ADGRL3: variants seen among roughly 807,000 people sequenced by gnomAD.
ADGRL3 encodes calcium-independent alpha-latrotoxin receptor 3.
Under a neutral mutation model 153.5 loss-of-function variants are expected in ADGRL3, and 62 were observed. The observed-to-expected ratio is 0.40, with a 90% CI of 0.33 to 0.50. The LOEUF is 0.50. Among genes scored for constraint, ADGRL3 ranks in the 20% least tolerant of loss-of-function variants. The pLI is 0.47. For synonymous variants in ADGRL3, 710 were observed against 672.5 expected, an observed-to-expected ratio of 1.06 and a Z score of -0.86; for missense variants, 1,641 against 1,859.4, an observed-to-expected ratio of 0.88 and a Z score of 2.16.
intron 6 of ADGRL3, among the ~76,000 whole-genome samples, chr4:61,684,332 G>A (rs2095403510): frequency 6.6e-6 from 1 of 152,082 alleles, no homozygotes; most frequent in South Asian, 2.1e-4. Context: ...AGAAACAAAG[G>A]AGAAAAAAGG....
intron 5 of ADGRL3, among the ~76,000 whole-genome samples, chr4:61,641,237 C>T (rs985568920): frequency 1.3e-5 from 2 of 151,172 alleles, no homozygotes; most frequent in African/African-American, 2.4e-5. Context: ...TGGCACAGTG[C>T]TTGTTATGTA....
chr4:61,636,471 A>G (rs1249730232), intron 5 of ADGRL3, among the ~76,000 whole-genome samples: 1 of 152,202 alleles, frequency 6.6e-6, no homozygotes, highest in African/African-American at 2.4e-5. Flanking sequence ...AAGTTCTGAA[A>G]GAAAAAACTG....
At chr4:61,378,822 C>A (rs528919944) in intron 1 of ADGRL3, among the ~76,000 whole-genome samples, 1 of 151,832 alleles carries the variant, frequency 6.6e-6, no homozygotes, top group Non-Finnish European at 1.5e-5. Flanking sequence ...GAACCATTTG[C>A]GAGGCAGATT....
intron 18 of ADGRL3, among the ~76,000 whole-genome samples, chr4:61,980,622 G>A (rs1389886495): frequency 6.6e-6 from 1 of 151,780 alleles, no homozygotes; most frequent in Non-Finnish European, 1.5e-5. Flanking sequence ...TGTATTTTTA[G>A]TAGAGACAAG....
At chr4:61,860,228 G>A (rs34956352) in intron 9 of ADGRL3, among the ~76,000 whole-genome samples, 80,105 of 151,790 alleles carry the variant, frequency 0.53, 24,168 homozygotes, top group Non-Finnish European at 0.7. Context: ...GGGTGTGCAT[G>A]TGTGTATGTT....
chr4:61,634,337 T>C (rs2093322871), intron 5 of ADGRL3, among the ~76,000 whole-genome samples: 2 of 152,128 alleles, frequency 1.3e-5, no homozygotes, highest in Admixed American at 1.3e-4. Flanking sequence ...CCATACAAAG[T>C]CAGAGTACCG....
At chr4:61,596,710 T>A (rs1579755399) in intron 5 of ADGRL3, among the ~76,000 whole-genome samples, 1 of 152,074 alleles carries the variant, frequency 6.6e-6, no homozygotes, top group Non-Finnish European at 1.5e-5. Context: ...ATTAAATAAG[T>A]AGCTGGATGT....
chr4:61,224,769 G>A (rs1009660011), intron 1 of ADGRL3, among the ~76,000 whole-genome samples: 10 of 152,208 alleles, frequency 6.6e-5, no homozygotes, highest in African/African-American at 2.4e-4. Context: ...GGCAGGACCC[G>A]AGGGAAGGAA....
intron 8 of ADGRL3, among the ~76,000 whole-genome samples, chr4:61,788,923 C>A (rs1038228065): frequency 6.6e-5 from 10 of 151,850 alleles, no homozygotes. Context: ...GTTTTAAAAC[C>A]AATTATGGAA....
chr4:61,995,272 C>G (rs1483120393), intron 19 of ADGRL3, among the ~76,000 whole-genome samples: 7 of 151,790 alleles, frequency 4.6e-5, no homozygotes, highest in Non-Finnish European at 8.8e-5. Flanking sequence ...TGTTTTATAA[C>G]ATTTCATCAT....
chr4:61,392,408 C>T lies in ADGRL3; in HGVS notation c.-174+9219C>T, dbSNP rs143209065. On this transcript the variant is annotated intron_variant, in intron 2 of 26. Coordinates refer to ENST00000683033, the MANE Select transcript of ADGRL3 (RefSeq NM_001387552.1). Reference sequence around the variant, plus strand: ...TTACATAGAAAAGAGTCTCAGGCGCCGGGTGCGGTGGCTCACGCCTGTAAT... The same window carrying T: ...TTACATAGAAAAGAGTCTCAGGCGCTGGGTGCGGTGGCTCACGCCTGTAAT... Among the ~76,000 whole-genome samples, 6 of 150,938 alleles carry T rather than the reference C, an allele frequency of 4.0e-5. No individual in the cohort carries two copies. The East Asian group carries it at 1.2e-3, about 30-fold the overall frequency.
chr4:61,768,231 G>A (rs2097027028), intron 8 of ADGRL3, among the ~76,000 whole-genome samples: 1 of 152,128 alleles, frequency 6.6e-6, no homozygotes, highest in Non-Finnish European at 1.5e-5. Flanking sequence ...GCTAGTCACA[G>A]AAGGAAACTG....
chr4:62,062,103 C>G (rs1244703691), intron 25 of ADGRL3, among the ~76,000 whole-genome samples: 1 of 151,994 alleles, frequency 6.6e-6, no homozygotes, highest in East Asian at 1.9e-4. Flanking sequence ...AATCATTTCT[C>G]TGCATTCTTG....
intron 1 of ADGRL3, among the ~76,000 whole-genome samples, chr4:61,281,100 A>G (rs914039000): frequency 1.3e-5 from 2 of 152,104 alleles, no homozygotes; most frequent in Non-Finnish European, 1.5e-5. Flanking sequence ...ATATATATAC[A>G]TATATATGCC....
rs575792673 is a variant in ADGRL3 at position 61,498,549 on chromosome 4, C to CA, written c.55+1211dup. On this transcript the variant is annotated intron_variant, in intron 3 of 26. Coordinates refer to ENST00000683033, the MANE Select transcript of ADGRL3 (RefSeq NM_001387552.1). ...TGGGTGACAGAACGAGACTCTGTCTCAAAAAAAAAATGAAAACATACACAA... is the reference window on the plus strand; with the variant it reads ...TGGGTGACAGAACGAGACTCTGTCTCAAAAAAAAAAATGAAAACATACACAA... Among the ~76,000 whole-genome samples, 276 of 142,650 alleles carry CA rather than the reference C, an allele frequency of 1.9e-3. 2 individuals are homozygous for CA. The highest frequency in any genetic ancestry group is 0.016 in the South Asian group (74 of 4,488). The allele number at this position is 142,650 out of a possible 152,430, so 93.6% of individuals were successfully genotyped here.
In ADGRL3 at chr4:61,588,644, G is replaced by A. The variant is rs374530644; in HGVS notation, c.473+1204G>A. On this transcript the variant is annotated intron_variant, in intron 5 of 26. Coordinates refer to ENST00000683033, the MANE Select transcript of ADGRL3 (RefSeq NM_001387552.1). ...ATAAGAAATAAGATATTAAAATTAG[G>A]CATTTCATTTGATAAAAGTTTGGTT... Among the ~76,000 whole-genome samples the A allele has an allele frequency of 2.6e-4, 39 of 151,938 alleles. 1 individual carries two copies. Among genetic ancestry groups the A allele is most frequent in the African/African-American group, 9.2e-4 (38 of 41,504 alleles).
intron 1 of ADGRL3, among the ~76,000 whole-genome samples, chr4:61,367,133 G>C (rs2151609745): frequency 6.6e-6 from 1 of 152,184 alleles, no homozygotes; most frequent in Non-Finnish European, 1.5e-5. Flanking sequence ...ATATTAAAAA[G>C]CTGCTGTCTG....
chr4:61,649,727 G>A (rs2094177358), intron 5 of ADGRL3, among the ~76,000 whole-genome samples: 1 of 152,070 alleles, frequency 6.6e-6, no homozygotes, highest in African/African-American at 2.4e-5. Context: ...TAAAATAAGT[G>A]TGTCAGTCTT....
rs528092274 is a variant in ADGRL3, at chr4:61,329,534, A to G, written c.-239-53590A>G. Among the ~76,000 whole-genome samples, 542 of 152,276 alleles carry G rather than the reference A, an allele frequency of 3.6e-3. 2 individuals are homozygous for G. The highest frequency in any genetic ancestry group is 6.3e-3 in the Non-Finnish European group (426 of 68,024). ...AAAATGATAGATGCTCAATTAAAAT[A>G]TAAAGAGAAGAATAAAATCACTTGG... On this transcript the variant is annotated intron_variant, in intron 1 of 26. Transcript: ENST00000683033.
Sources: allele counts gnomAD v4.1 joint callset (sites outside exome capture counted in the v4.1 genomes callset), GRCh38; gene constraint gnomAD v4.1.1; transcripts MANE v1.5; gene names NCBI Gene and HGNC (gene_info 2026-07-23, HGNC 2026-07-21).